IPO4: variants seen among roughly 807,000 people sequenced by gnomAD.
IPO4 encodes importin 4, also known as importin-4.
Under a neutral mutation model 133.5 loss-of-function variants are expected in IPO4, and 91 were observed. The ratio of observed to expected loss-of-function variants is 0.68; its 90% CI spans 0.58 to 0.81. The LOEUF (loss-of-function observed/expected upper bound fraction) is 0.81, where lower values mean the gene tolerates loss of function less well. Ranked by LOEUF, IPO4 falls within the 30% of genes least tolerant of loss-of-function variation. The probability of loss-of-function intolerance (pLI) is 0.00; values close to 1 mark genes in which losing one functional copy is unlikely to be tolerated. For missense variants in IPO4, 1,279 were observed against 1,386.2 expected (o/e 0.92, Z 1.23); for synonymous variants, 607 against 581.6 (o/e 1.04, Z -0.63).
At chr14:24,185,014 C>A in intron 14 of IPO4, 34 bp from the exon 15 acceptor site, 1 of 1,604,958 alleles carries the variant, frequency 6.2e-7, no homozygotes, top group East Asian at 2.2e-5. Context: ...CCAACCAACC[C>A]AGGTCTGCTA....
intron 28 of IPO4, 139 bp from the exon 29 acceptor site, chr14:24,180,897 CTA>C: frequency 1.6e-6 from 1 of 642,380 alleles, no homozygotes; most frequent in East Asian, 2.8e-5. Context: ...TCCAAGACAA[CTA>C]TGAACATGAG....
intron 4 of IPO4, 198 bp downstream of exon 4, chr14:24,188,018 T>G: frequency 1.3e-6 from 1 of 769,766 alleles, no homozygotes; most frequent in Non-Finnish European, 2.1e-6. Context: ...TTCAGTCTTA[T>G]TCTTCTGACT....
rs374679303 is a variant in IPO4 at position 24,181,589 on chromosome 14, G to A, written c.2969C>T (p.Pro990Leu). 26 of 1,612,848 alleles carry A rather than the reference G, an allele frequency of 1.6e-5. No individual in the cohort carries two copies. The highest frequency in any genetic ancestry group is 2.0e-5 in the Non-Finnish European group (24 of 1,179,638). The change falls in exon 28 of 30, where the codon CCA becomes CTA. Residue 990 changes from proline (P) to leucine (L), a missense_variant. Physicochemically the swap from Pro to Leu is moderately conservative, Grantham distance 98. Transcript: ENST00000354464. ...QVLAALLHALPLKEDLEEWVT... is the reference protein window; with the variant it reads ...QVLAALLHALLLKEDLEEWVT... Reference sequence around the variant, plus strand: ...CCACTCCTCCAAGTCCTCCTTCAGTGGCAGGGCATGCAGTAGGGCAGCCAG... The same window carrying A: ...CCACTCCTCCAAGTCCTCCTTCAGTAGCAGGGCATGCAGTAGGGCAGCCAG...
chr14:24,184,173 G>A, intron 17 of IPO4, 64 bp from the exon 18 acceptor site: 4 of 1,574,484 alleles, frequency 2.5e-6, no homozygotes. Flanking sequence ...GGATGGGGGA[G>A]CCCGGGAACA....
rs1382680725 is a variant in IPO4 at position 24,185,241 on chromosome 14, T to C, written c.1350A>G (p.Gly450=). 6.2e-7 allele frequency: 1 copy of C among 1,614,090 alleles called. No individual in the cohort carries two copies. Among genetic ancestry groups the C allele is most frequent in the Admixed American group, 1.7e-5 (1 of 60,012 alleles). The part of the protein sequence containing the change: ...LLAYLKSVPL[G]HTHHLAKACY... ...AGGCCTTGGCTAGGTGGTGTGTGTG[T>C]CCAAGAGGCACCGACTTCAAGTAGG... is the stretch of plus-strand genomic sequence containing the variant. The change falls in exon 14 of 30, where the codon GGA becomes GGG. Residue 450 remains glycine (G), a synonymous_variant. Transcript: ENST00000354464.
chr14:24,180,631 TC>T, intron 29 of IPO4, 57 bp downstream of exon 29: 1 of 1,612,796 alleles, frequency 6.2e-7, no homozygotes, highest in East Asian at 2.2e-5. Context: ...CCCCAGGCTC[TC>T]TGAGCCCTGC....
chr14:24,183,066 C>A lies in IPO4; in HGVS notation c.2331G>T (p.Gly777=). 1 of 1,613,864 alleles carries A rather than the reference C, an allele frequency of 6.2e-7. No individual in the cohort carries two copies. Among genetic ancestry groups the A allele is most frequent in the East Asian group, 2.2e-5 (1 of 44,886 alleles). The change falls in exon 23 of 30, where the codon GGG becomes GGT. Residue 777 remains glycine (G), a synonymous_variant. Transcript: ENST00000354464. The part of the protein sequence containing the change: ...VVMAVLEALT[G]VLRSCGTLTL... Reference sequence around the variant, plus strand: ...TGAGGGTCCCACAGCTGCGGAGCACCCCTGTCAGGGCCTCCAGCACGGCCA... The same window carrying A: ...TGAGGGTCCCACAGCTGCGGAGCACACCTGTCAGGGCCTCCAGCACGGCCA...
In IPO4 at chr14:24,184,424, G is replaced by A; in HGVS notation, c.1637-6C>T. The A allele has an allele frequency of 1.2e-6, 2 of 1,608,016 alleles. No homozygotes were observed. Among genetic ancestry groups the A allele is most frequent in the Non-Finnish European group, 1.7e-6 (2 of 1,177,268 alleles). ...TGCCAGCACCCCCAGTGTCTCTGTG[G>A]GGGCAAGGGCTCCATTAGCACCAGG... On this transcript the variant is annotated splice_region_variant and splice_polypyrimidine_tract_variant and intron_variant, in intron 16 of 29. Coordinates refer to ENST00000354464, the MANE Select transcript of IPO4 (RefSeq NM_024658.4).
rs919340715 is a variant in IPO4 at position 24,180,269 on chromosome 14, C to G, written c.*173G>C. On this transcript the variant is annotated 3_prime_UTR_variant, in exon 30 of 30. Coordinates refer to ENST00000354464, the MANE Select transcript of IPO4 (RefSeq NM_024658.4). Reference sequence around the variant, plus strand: ...CTTTTATTACAGTATGATGTCATGACTCATTTGTAACAGATCCAGCCTCAG... The same window carrying G: ...CTTTTATTACAGTATGATGTCATGAGTCATTTGTAACAGATCCAGCCTCAG... The G allele has an allele frequency of 6.5e-7, 1 of 1,539,158 alleles. No individual in the cohort carries two copies. The highest frequency in any genetic ancestry group is 8.8e-7 in the Non-Finnish European group (1 of 1,138,956).
rs767727926 is a variant in IPO4 at position 24,183,905 on chromosome 14, C to G, written c.1870-7G>C. 1.2e-6 allele frequency: 2 copies of G among 1,613,762 alleles called. No homozygotes were observed. Among genetic ancestry groups the G allele is most frequent in the African/African-American group, 1.3e-5 (1 of 74,904 alleles). ...TGCTCCCGTCATACTGAGGCTGGAG[C>G]GGAGGCACGGCAAGGACTTTGGCTC... On this transcript the variant is annotated splice_polypyrimidine_tract_variant and splice_region_variant and intron_variant, in intron 18 of 29. Transcript: ENST00000354464.
Position 24,184,311 on chromosome 14 carries a change from A to G in IPO4, c.1744T>C (p.Leu582=). The G allele has an allele frequency of 6.3e-7, 1 of 1,585,318 alleles. No individual in the cohort carries two copies. Residue 582 remains leucine (L), a synonymous_variant, in exon 17 of 30, where the codon TTG becomes CTG. Transcript: ENST00000354464. The part of the protein sequence containing the change: ...GLCDQVDDPD[L]RRCTYSLFAA... ...GGGGTCACTCACGTGCAGCGCCGCA[A>G]GTCAGGGTCGTCTACCTGGTCGCAG...
In IPO4 at chr14:24,188,586, A is replaced by G. The variant is rs2039263123; in HGVS notation, c.122T>C (p.Leu41Pro). Residue 41 changes from leucine to proline, a missense_variant, in exon 2 of 30, where the codon CTC becomes CCC. Transcript: ENST00000354464. ...GGCCGCCGAGGCTAGCAGGTCGCAG[A>G]GAGCCGGCAAAGCGGCGGGGGCCCG... Reference protein sequence around the residue: ...VLRAPAALPALCDLLASAADP... With the variant: ...VLRAPAALPAPCDLLASAADP... 6.2e-7 allele frequency: 1 copy of G among 1,613,204 alleles called. No individual in the cohort carries two copies.
In IPO4 at chr14:24,186,061, G is replaced by C. The variant is rs148240891; in HGVS notation, c.1059+68C>G. The C allele has an allele frequency of 3.2e-5, 51 of 1,599,972 alleles. No homozygotes were observed. In the Middle Eastern group the frequency reaches 5.0e-4, roughly 16 times the overall value. On this transcript the variant is annotated intron_variant, in intron 11 of 29. Transcript: ENST00000354464. Reference sequence around the variant, plus strand: ...CCTTCACACCTCCCAGGGTCTAAACGTCGTTGGCCTCAGGGGGACTAGGCA... The same window carrying C: ...CCTTCACACCTCCCAGGGTCTAAACCTCGTTGGCCTCAGGGGGACTAGGCA...
chr14:24,188,201 T>C lies in IPO4; in HGVS notation c.278+15A>G, dbSNP rs6573607. The C allele has an allele frequency of 6.8e-6, 11 of 1,610,342 alleles. No homozygotes were observed. Among genetic ancestry groups the C allele is most frequent in the African/African-American group, 6.7e-5 (5 of 74,820 alleles). ...AAAGTCGTCAAGATCCCGAGAGAAGTGGGTAGGTACTTACTCTGTTTCTCT... is the reference window on the plus strand; with the variant it reads ...AAAGTCGTCAAGATCCCGAGAGAAGCGGGTAGGTACTTACTCTGTTTCTCT... On this transcript the variant is annotated intron_variant, in intron 4 of 29. Transcript: ENST00000354464.
chr14:24,183,704 C>G lies in IPO4; in HGVS notation c.1986-37G>C, dbSNP rs567540915. The G allele has an allele frequency of 3.1e-6, 5 of 1,614,074 alleles. No homozygotes were observed. The Admixed American group carries it at 8.3e-5, about 27-fold the overall frequency. On this transcript the variant is annotated intron_variant, in intron 19 of 29. Transcript: ENST00000354464. ...AGGGGAGGCAGTGGTGATCAGGCAC[C>G]AAGAGGAGCAGATCCAGCACTAGGC...
At position 24,185,307 on chromosome 14, in the gene IPO4, A is replaced by G. The variant is rs1331488384; in HGVS notation, c.1284T>C (p.His428=). ...TTACCTCCCTTGAATAGCTGCTGAT[A>G]TGGGGCTGGGGGAGGGAGCAAGCAG... ...LGQFSENLQP[H]ISSYSREVMP... is the part of the protein sequence containing the mutation. The change falls in exon 14 of 30, where the codon CAT becomes CAC. Residue 428 remains histidine, a synonymous_variant. Transcript: ENST00000354464. 1.9e-6 allele frequency: 3 copies of G among 1,614,078 alleles called. No individual in the cohort carries two copies. The highest frequency in any genetic ancestry group is 2.5e-6 in the Non-Finnish European group (3 of 1,179,976).
At chr14:24,186,487 C>G (rs951211978) in intron 9 of IPO4, 36 bp from the exon 10 acceptor site, 3 of 1,536,776 alleles carry the variant, frequency 2.0e-6, no homozygotes, top group Admixed American at 2.0e-5. Context: ...CCCTAAGAAT[C>G]TGCTCCCAGG....
chr14:24,186,577 G>A (rs2039226431), intron 9 of IPO4, 126 bp from the exon 10 acceptor site: 3 of 1,362,146 alleles, frequency 2.2e-6, no homozygotes, highest in South Asian at 1.3e-5. Context: ...GGCAGGAGCT[G>A]GGGTGAGGCC....
chr14:24,182,307 C>T lies in IPO4; in HGVS notation c.2569G>A (p.Gly857Ser), dbSNP rs202112878. The change falls in exon 25 of 30, where the codon GGT becomes AGT. Residue 857 changes from glycine to serine, a missense_variant. By Grantham distance (56) the Gly-to-Ser change is moderately conservative (BLOSUM62 0). Around this residue, in one of 3 missense-constraint regions of IPO4, gnomAD observed 575 missense variants for 653.4 expected, o/e 0.88. Transcript: ENST00000354464. ...GGDSFAPFFA[G>S]FLPLLVCKTK... ...TTGCACACCAATAATGGCAGGAAAC[C>T]GGCAAAGAATGGGGCAAAGGAGTCT... 313 of 1,614,050 alleles carry T rather than the reference C, an allele frequency of 1.9e-4. No individual in the cohort carries two copies. Among genetic ancestry groups the T allele is most frequent in the Non-Finnish European group, 2.5e-4 (290 of 1,179,968 alleles).
Sources: gnomAD v4.1 joint callset for allele counts on GRCh38, gnomAD v4.1.1 for gene constraint, gnomAD v4.1.1 regional missense constraint, MANE v1.5 for transcripts, NCBI Gene and HGNC (gene_info 2026-07-23, HGNC 2026-07-21) for gene names.